Variants in AHI1 observed in about 807,000 individuals in gnomAD.
AHI1 encodes the protein jouberin.
AHI1 carries 123 observed loss-of-function variants against 149.3 expected under a neutral mutation model. The observed-to-expected ratio is 0.82, with a 90% CI of 0.71 to 0.96. AHI1 has a LOEUF of 0.96. AHI1 is among the 40% of genes least tolerant of loss of function. AHI1 has a pLI of 0.00. For synonymous variants in AHI1, 475 were observed against 459.8 expected (o/e 1.03, Z -0.42); for missense variants, 1,439 against 1,422.7 (o/e 1.01, Z -0.18).
chr6:135,322,960 T>A (rs1009975815), intron 25 of AHI1, among the ~76,000 whole-genome samples: 1 of 152,192 alleles, frequency 6.6e-6, no homozygotes, highest in Non-Finnish European at 1.5e-5. Flanking sequence ...GAAACAAACA[T>A]TCCAATCTCA....
intron 27 of AHI1, among the ~76,000 whole-genome samples, chr6:135,291,928 T>C (rs1180431960): frequency 1.3e-5 from 2 of 152,124 alleles, no homozygotes; most frequent in African/African-American, 4.8e-5. Context: ...GAGACAACGA[T>C]ACAATGGACT....
At chr6:135,381,044 G>A (rs928729780) in intron 23 of AHI1, among the ~76,000 whole-genome samples, 18 of 151,834 alleles carry the variant, frequency 1.2e-4, no homozygotes, top group African/African-American at 3.6e-4. Context: ...ACATTAATTT[G>A]CCTGTTATAT....
At chr6:135,304,061 G>A (rs774258970) in intron 26 of AHI1, among the ~76,000 whole-genome samples, 2 of 152,194 alleles carry the variant, frequency 1.3e-5, no homozygotes, top group Non-Finnish European at 2.9e-5. Flanking sequence ...ATTTGAGACA[G>A]GATCTCGCTC....
chr6:135,407,892 G>A (rs910839388), intron 21 of AHI1, among the ~76,000 whole-genome samples: 10 of 151,850 alleles, frequency 6.6e-5, no homozygotes, highest in East Asian at 1.9e-4. Context: ...AAAATTAATC[G>A]GGCGTGGTGG....
intron 23 of AHI1, among the ~76,000 whole-genome samples, chr6:135,375,101 G>C (rs959526615): frequency 6.6e-6 from 1 of 152,132 alleles, no homozygotes; most frequent in Non-Finnish European, 1.5e-5. Context: ...TAACTCTATT[G>C]TAAGTCGAGG....
In AHI1 at chr6:135,466,317, T is replaced by TA; in HGVS notation, c.245dup (p.Ser83LysfsTer4). ...TCAGGTTGTTAGTGTTAGCAGCACT[T>TA]ACATCATCACTTGTAGTTTCTTTAA... On this transcript the variant is annotated frameshift_variant, in exon 7 of 29. Transcript: ENST00000265602. LOFTEE classifies it high-confidence loss of function. 1.9e-6 allele frequency: 3 copies of TA among 1,613,948 alleles called. No individual in the cohort carries two copies. The highest frequency in any genetic ancestry group is 2.5e-6 in the Non-Finnish European group (3 of 1,179,844).
chr6:135,326,955 G>A (rs1396244863), intron 24 of AHI1, among the ~76,000 whole-genome samples: 2 of 152,132 alleles, frequency 1.3e-5, no homozygotes, highest in African/African-American at 4.8e-5. Context: ...ATGCCTTTGT[G>A]TAGCTTAGCT....
intron 15 of AHI1, among the ~76,000 whole-genome samples, chr6:135,434,126 T>G (rs1347237562): frequency 3.3e-5 from 5 of 152,050 alleles, no homozygotes; most frequent in Non-Finnish European, 7.4e-5. Context: ...AATATGGGAT[T>G]TGTATTCATC....
intron 24 of AHI1, among the ~76,000 whole-genome samples, chr6:135,340,917 A>G (rs1177244209): frequency 6.6e-6 from 1 of 151,298 alleles, no homozygotes; most frequent in Non-Finnish European, 1.5e-5. Context: ...TGAGATGTTA[A>G]TTGTAATTCT....
intron 27 of AHI1, among the ~76,000 whole-genome samples, chr6:135,296,266 C>G (rs1783082504): frequency 6.6e-6 from 1 of 152,102 alleles, no homozygotes; most frequent in Non-Finnish European, 1.5e-5. Flanking sequence ...TCCGAGGCAC[C>G]ACCACCAAGT....
Position 135,433,023 on chromosome 6 carries a change from A to G in AHI1, c.2266+4T>C, listed in dbSNP as rs770801639. The G allele has an allele frequency of 6.2e-7, 1 of 1,600,492 alleles. No homozygotes were observed. Among genetic ancestry groups the G allele is most frequent in the Non-Finnish European group, 8.6e-7 (1 of 1,167,768 alleles). ...CTGGTCTTCATTCATAGTCTCTGAC[A>G]TACCTTCAGTATCAAAACAAAGTGA... On this transcript the variant is annotated splice_donor_region_variant and intron_variant, in intron 16 of 28. Transcript: ENST00000265602.
chr6:135,425,645 T>C (rs1348957747), intron 20 of AHI1, among the ~76,000 whole-genome samples: 1 of 151,716 alleles, frequency 6.6e-6, no homozygotes, highest in Non-Finnish European at 1.5e-5. Context: ...GATAAGAAAA[T>C]GGAGCTTCAG....
chr6:135,380,377 T>C (rs1451259028), intron 23 of AHI1, among the ~76,000 whole-genome samples: 4 of 152,148 alleles, frequency 2.6e-5, no homozygotes, highest in Non-Finnish European at 4.4e-5. Context: ...ATAAGTAATC[T>C]AGAGATTATT....
At chr6:135,423,039 C>A (rs1164938983) in intron 20 of AHI1, among the ~76,000 whole-genome samples, 1 of 151,956 alleles carries the variant, frequency 6.6e-6, no homozygotes, top group African/African-American at 2.4e-5. Context: ...GGCTTTACAC[C>A]AACTGTGTTA....
At position 135,444,816 on chromosome 6, in the gene AHI1, A is replaced by G. The variant is rs544614966; in HGVS notation, c.1780-2102T>C. On this transcript the variant is annotated intron_variant, in intron 13 of 28. Transcript: ENST00000265602. ...TTTAGCCTCTAGAAAATGCTAGTAC[A>G]TACTTGTAAGAGAATGAATCTGAAT... Among the ~76,000 whole-genome samples, 8 of 152,370 alleles carry G rather than the reference A, an allele frequency of 5.3e-5. No individual in the cohort carries two copies. The South Asian group carries it at 1.2e-3, about 24-fold the overall frequency.
intron 8 of AHI1, among the ~76,000 whole-genome samples, chr6:135,458,086 T>C (rs1232730480): frequency 1.3e-5 from 2 of 152,136 alleles, no homozygotes; most frequent in African/African-American, 4.8e-5. Flanking sequence ...GTAAACACTT[T>C]GGGTAACAAC....
At chr6:135,490,518 T>A in intron 5 of AHI1, 105 bp downstream of exon 5, 2 of 1,333,676 alleles carry the variant, frequency 1.5e-6, no homozygotes, top group Non-Finnish European at 2.1e-6. Flanking sequence ...ATAGTGTTAC[T>A]GTTTTTAATT....
At chr6:135,478,335 C>A (rs1417688286) in intron 5 of AHI1, among the ~76,000 whole-genome samples, 1 of 152,146 alleles carries the variant, frequency 6.6e-6, no homozygotes, top group East Asian at 1.9e-4. Context: ...CAGAGATGGC[C>A]AGGCTGACGA....
In AHI1 at chr6:135,290,445, C is replaced by T. The variant is rs1782198030; in HGVS notation, c.3566G>A (p.Gly1189Asp). Residue 1189 changes from glycine (G) to aspartate (D), a missense_variant, in exon 28 of 29, where the codon GGC becomes GAC. Gly to Asp is a moderately conservative substitution (Grantham distance 94, BLOSUM62 -1). Coordinates refer to ENST00000265602, the MANE Select transcript of AHI1 (RefSeq NM_001134831.2). ...TACCTCTATTAGAGTGACTTTTCTG[C>T]CTGCTTGCTTGTTCTTCCTCATCCG... ...DTRMRKNKQA[G>D]RKVTLIE 6.2e-7 allele frequency: 1 copy of T among 1,606,510 alleles called. No individual in the cohort carries two copies. The highest frequency in any genetic ancestry group is 8.5e-7 in the Non-Finnish European group (1 of 1,173,200).
Sources: gnomAD v4.1 joint callset for allele counts (sites outside exome capture counted in the v4.1 genomes callset) on GRCh38, gnomAD v4.1.1 for gene constraint, MANE v1.5 for transcripts, NCBI Gene and HGNC (gene_info 2026-07-23, HGNC 2026-07-21) for gene names.